SLC38A8: variants seen among roughly 807,000 people sequenced by gnomAD.
The protein encoded by SLC38A8 is solute carrier family 38 member 8, also known as amino acid transporter SLC38A8.
Under a neutral mutation model 46.0 loss-of-function variants are expected in SLC38A8, and 65 were observed. That is an observed-to-expected ratio of 1.41 (90% CI 1.16 to 1.74). The LOEUF (loss-of-function observed/expected upper bound fraction) is 1.74. Among genes scored for constraint, SLC38A8 ranks in the 40% most tolerant of loss-of-function variants. The pLI is 0.00. For synonymous variants in SLC38A8, 447 were observed against 243.7 expected, an observed-to-expected ratio of 1.83 and a Z score of -7.77; for missense variants, 998 against 567.9, an observed-to-expected ratio of 1.76 and a Z score of -7.70.
At chr16:84,041,223 G>C (rs1015753378) in intron 2 of SLC38A8, 3 of 152,322 alleles carry the variant, frequency 2.0e-5, no homozygotes, top group Admixed American at 6.5e-5. Context: ...GCAGGAGAGC[G>C]GAACATCCGA....
intron 9 of SLC38A8, among the ~76,000 whole-genome samples, chr16:84,013,746 TA>T (rs1342057751): frequency 1.4e-5 from 2 of 142,804 alleles, no homozygotes; most frequent in Admixed American, 1.4e-4. Context: ...TTTTTTTTTT[TA>T]AATAGTTCTG....
intron 10 of SLC38A8, 22 bp downstream of exon 10, chr16:84,012,979 A>G: frequency 1.9e-6 from 3 of 1,613,754 alleles, no homozygotes; most frequent in Non-Finnish European, 2.5e-6. Flanking sequence ...CCAGGGTGCC[A>G]CCTCATCTTA....
rs918655313 is a variant in SLC38A8 at position 84,037,294 on chromosome 16, G to A, written c.190-394C>T. Among the ~76,000 whole-genome samples, 4 of 152,224 alleles carry A rather than the reference G, an allele frequency of 2.6e-5. No individual in the cohort carries two copies. In the South Asian group the frequency reaches 8.3e-4, roughly 32 times the overall value. ...ACCCGAGGTGGAGCGGGCACAGCCG[G>A]GCTCAGGTTCTAACCACTGCTCACC... is the stretch of plus-strand genomic sequence containing the variant. On this transcript the variant is annotated intron_variant, in intron 2 of 10. Coordinates refer to ENST00000299709, the MANE Select transcript of SLC38A8 (RefSeq NM_001080442.3).
intron 2 of SLC38A8, among the ~76,000 whole-genome samples, chr16:84,037,878 G>A (rs1453479209): frequency 1.5e-5 from 2 of 136,826 alleles, no homozygotes; most frequent in African/African-American, 2.8e-5. Context: ...GCACGACCTC[G>A]GCTCATTGCA....
At chr16:84,032,510 C>T (rs148328778) in intron 4 of SLC38A8, among the ~76,000 whole-genome samples, 5 of 152,186 alleles carry the variant, frequency 3.3e-5, no homozygotes, top group Non-Finnish European at 5.9e-5. Context: ...TGGCACCCGG[C>T]GCCCTTCGGG....
rs1351631293 is a variant in SLC38A8 at position 84,031,881 on chromosome 16, G to T, written c.618C>A (p.Ser206=). ...CTCAGACTTACCTCAGTGAAGGATGGGACTCACGCACGAGGCCCTGGGGCC... is the reference window on the plus strand; with the variant it reads ...CTCAGACTTACCTCAGTGAAGGATGTGACTCACGCACGAGGCCCTGGGGCC... ...YLWPQGLVRE[S]HPSLSPASWT... The change falls in exon 5 of 11, where the codon TCC becomes TCA. Residue 206 remains serine, a synonymous_variant. Coordinates refer to ENST00000299709, the MANE Select transcript of SLC38A8 (RefSeq NM_001080442.3). The T allele has an allele frequency of 3.1e-5, 50 of 1,613,952 alleles. No homozygotes were observed. Among genetic ancestry groups the T allele is most frequent in the Non-Finnish European group, 4.0e-5 (47 of 1,179,978 alleles).
chr16:84,031,909 A>G lies in SLC38A8; in HGVS notation c.590T>C (p.Leu197Pro). Residue 197 changes from leucine (L) to proline (P), a missense_variant, in exon 5 of 11, where the codon CTC (leucine) becomes CCC (proline). Leu to Pro is a moderately conservative substitution (Grantham distance 98). Coordinates refer to ENST00000299709, the MANE Select transcript of SLC38A8 (RefSeq NM_001080442.3). ...CTCACGCACGAGGCCCTGGGGCCAG[A>G]GGTAGTACTGCACGGTGATGACCAG... ...LALVITVQYY[L>P]WPQGLVRESH... 6.8e-6 allele frequency: 11 copies of G among 1,614,202 alleles called. No homozygotes were observed. The highest frequency in any genetic ancestry group is 9.3e-6 in the Non-Finnish European group (11 of 1,180,028).
rs767697028 is a variant in SLC38A8 at position 84,029,545 on chromosome 16, G to A, written c.639C>T (p.Ala213=). 8 of 1,614,146 alleles carry A rather than the reference G, an allele frequency of 5.0e-6. No individual in the cohort carries two copies. The South Asian group carries it at 8.8e-5, about 18-fold the overall frequency. Residue 213 remains alanine, a synonymous_variant, in exon 6 of 11, where the codon GCC becomes GCT. Transcript: ENST00000299709. ...AGACACTGAACACAGAGGTCCAGGA[G>A]GCAGGGCTGTAAACAGACAAGAACA... The part of the protein sequence containing the change: ...VRESHPSLSP[A]SWTSVFSVFP...
chr16:84,010,319 C>T (rs139722840), intron 10 of SLC38A8, among the ~76,000 whole-genome samples: 53 of 152,224 alleles, frequency 3.5e-4, no homozygotes, highest in African/African-American at 1.3e-3. Context: ...GATTCGCCCT[C>T]CTCAGCTTCC....
intron 9 of SLC38A8, among the ~76,000 whole-genome samples, chr16:84,014,517 C>A (rs1015700311): frequency 1.3e-5 from 2 of 151,168 alleles, no homozygotes; most frequent in African/African-American, 4.9e-5. Flanking sequence ...ACCCTAAGCC[C>A]AAGGGAGAAG....
chr16:84,034,559 C>T (rs560044759), intron 3 of SLC38A8, among the ~76,000 whole-genome samples: 9 of 152,266 alleles, frequency 5.9e-5, no homozygotes, highest in South Asian at 2.1e-4. Flanking sequence ...GAGATGTCTT[C>T]GCTCCTTCGG....
intron 6 of SLC38A8, among the ~76,000 whole-genome samples, chr16:84,026,240 GT>G (rs1212830198): frequency 6.6e-6 from 1 of 152,092 alleles, no homozygotes; most frequent in Non-Finnish European, 1.5e-5. Flanking sequence ...GTTTTGTTTT[GT>G]TTTTTTGAGA....
chr16:84,017,116 GC>G (rs759952202), intron 8 of SLC38A8, 23 bp downstream of exon 8: 2 of 1,612,886 alleles, frequency 1.2e-6, no homozygotes, highest in Non-Finnish European at 1.7e-6. Flanking sequence ...GCTTCACGGT[GC>G]CCCCCACTGA....
intron 6 of SLC38A8, among the ~76,000 whole-genome samples, chr16:84,025,071 G>A (rs2085145843): frequency 2.0e-5 from 3 of 152,184 alleles, no homozygotes; most frequent in African/African-American, 7.2e-5. Context: ...CGTGGACATT[G>A]GTGATTCACG....
intron 10 of SLC38A8, among the ~76,000 whole-genome samples, chr16:84,011,231 G>C (rs1487794871): frequency 1.3e-5 from 2 of 152,204 alleles, no homozygotes; most frequent in Admixed American, 1.3e-4. Context: ...ACCCAAAGCA[G>C]TTTTAACGAT....
Position 84,033,257 on chromosome 16 carries a change from G to C in SLC38A8, c.530+71C>G, listed in dbSNP as rs1351908813. 8.7e-6 allele frequency: 14 copies of C among 1,603,016 alleles called. No individual in the cohort carries two copies. In the East Asian group the frequency reaches 1.1e-4, roughly 13 times the overall value. ...CAATTCCCCAGCTCCTCTGACCCCA[G>C]ATGGACAGAAACCCTGACACAAACA... On this transcript the variant is annotated intron_variant, in intron 4 of 10. Coordinates refer to ENST00000299709, the MANE Select transcript of SLC38A8 (RefSeq NM_001080442.3).
rs1388590849 is a variant in SLC38A8 at position 84,031,873 on chromosome 16, G to C, written c.626C>G (p.Ser209Ter). The C allele has an allele frequency of 1.2e-6, 2 of 1,614,030 alleles. No homozygotes were observed. The highest frequency in any genetic ancestry group is 2.2e-5 in the South Asian group (2 of 91,084). ...GCTGTTCCCTCAGACTTACCTCAGT[G>C]AAGGATGGGACTCACGCACGAGGCC... is the stretch of plus-strand genomic sequence containing the variant. ...PQGLVRESHP[S>*]LSPASWTSVF... Residue 209 changes from serine (S) to a stop codon, truncating the protein, a stop_gained, in exon 5 of 11, where the codon TCA becomes TGA. Coordinates refer to ENST00000299709, the MANE Select transcript of SLC38A8 (RefSeq NM_001080442.3). LOFTEE classifies it high-confidence loss of function.
At chr16:84,036,654 T>G (rs1366859923) in intron 3 of SLC38A8, 48 bp downstream of exon 3, 2 of 1,605,366 alleles carry the variant, frequency 1.2e-6, no homozygotes, top group Non-Finnish European at 1.7e-6. Context: ...AAGAGGTCAT[T>G]AGAGGTCCGG....
intron 6 of SLC38A8, among the ~76,000 whole-genome samples, chr16:84,029,256 G>A (rs1004372404): frequency 6.6e-6 from 1 of 152,184 alleles, no homozygotes; most frequent in African/African-American, 2.4e-5. Flanking sequence ...GGCCATCAGT[G>A]GGGGCTGGAT....
Sources: gnomAD v4.1 joint callset for allele counts (sites outside exome capture counted in the v4.1 genomes callset) on GRCh38, gnomAD v4.1.1 for gene constraint, MANE v1.5 for transcripts, NCBI Gene and HGNC (gene_info 2026-07-23, HGNC 2026-07-21) for gene names.